The following SLC4A4 variants were observed in gnomAD, a reference collection of about 807,000 sequenced individuals.
SLC4A4 encodes the protein solute carrier family 4 member 4.
In SLC4A4, 27 loss-of-function variants were observed where a neutral mutation model predicts 111.5. The observed-to-expected ratio is 0.24, with a 90% CI of 0.18 to 0.33. SLC4A4 has a LOEUF of 0.33. Among genes scored for constraint, SLC4A4 ranks in the 10% least tolerant of loss-of-function variants. SLC4A4 has a pLI of 1.00. For synonymous variants in SLC4A4, 443 were observed against 463.4 expected (o/e 0.96, Z 0.57); for missense variants, 909 against 1,315.5 (o/e 0.69, Z 4.78).
intron 3 of SLC4A4, among the ~76,000 whole-genome samples, chr4:71,307,937 C>A (rs1338818797): frequency 6.6e-6 from 1 of 152,112 alleles, no homozygotes; most frequent in Non-Finnish European, 1.5e-5. Flanking sequence ...CTTACACTGC[C>A]CCAACTATGG....
chr4:71,512,407 A>AT (rs1430431630), intron 16 of SLC4A4, among the ~76,000 whole-genome samples: 1 of 151,998 alleles, frequency 6.6e-6, no homozygotes, highest in Non-Finnish European at 1.5e-5. Context: ...GATGCTGAGC[A>AT]TTTTTTCATA....
At chr4:71,447,484 GAA>G (rs1176149413) in intron 8 of SLC4A4, among the ~76,000 whole-genome samples, 160 bp from the exon 9 acceptor site, 1 of 152,164 alleles carries the variant, frequency 6.6e-6, no homozygotes, top group Non-Finnish European at 1.5e-5. Context: ...GCAATAGTGC[GAA>G]AGAGTATATT....
At position 71,569,911 on chromosome 4, in the gene SLC4A4, A is replaced by G. The variant is rs988016884; in HGVS notation, c.*2160A>G. The G allele has an allele frequency of 1.3e-5, 2 of 151,524 alleles. No individual in the cohort carries two copies. Among genetic ancestry groups the G allele is most frequent in the Admixed American group, 1.3e-4 (2 of 15,156 alleles). 9.4% of individuals were successfully genotyped at this position (151,524 alleles called of 1,614,324 possible). A position where few individuals can be genotyped will look rare whatever the true frequency, so the allele number is the denominator to read the frequency against. The stretch of plus-strand genomic sequence containing the variant: ...GTGAATTATATGTTATTGTGTTAAA[A>G]CCTCACTTGCCAAATTCTGGCTTCA... On this transcript the variant is annotated 3_prime_UTR_variant, in exon 26 of 26. Transcript: ENST00000264485.
intron 2 of SLC4A4, among the ~76,000 whole-genome samples, chr4:71,153,731 G>T (rs1354750411): frequency 1.3e-5 from 2 of 152,108 alleles, no homozygotes; most frequent in Admixed American, 1.3e-4. Context: ...CACCTTACAA[G>T]CAAAAGGCCA....
intron 1 of SLC4A4, among the ~76,000 whole-genome samples, chr4:71,205,471 ATCT>A (rs1194606316): frequency 7.2e-5 from 11 of 152,166 alleles, no homozygotes; most frequent in Admixed American, 5.9e-4. Context: ...ATGCAGGTAT[ATCT>A]TCTTCATCAT....
At chr4:71,265,771 C>A (rs983924184) in intron 3 of SLC4A4, among the ~76,000 whole-genome samples, 3 of 152,022 alleles carry the variant, frequency 2.0e-5, no homozygotes, top group African/African-American at 7.2e-5. Flanking sequence ...GTTATCATTA[C>A]CTCTTTGTGT....
At chr4:71,074,954 A>C (rs1014960850) in intron 1 of SLC4A4, among the ~76,000 whole-genome samples, 2 of 152,218 alleles carry the variant, frequency 1.3e-5, no homozygotes, top group Non-Finnish European at 2.9e-5. Context: ...GCCTCTCCTT[A>C]AACTTTGTTC....
intron 4 of SLC4A4, among the ~76,000 whole-genome samples, chr4:71,346,461 A>G (rs1363323859): frequency 7.3e-6 from 1 of 136,554 alleles, no homozygotes; most frequent in Non-Finnish European, 1.6e-5. Context: ...GCAAATATGT[A>G]GTTATTCATA....
At chr4:71,175,841 A>C (rs1200080356) in intron 2 of SLC4A4, among the ~76,000 whole-genome samples, 2 of 152,172 alleles carry the variant, frequency 1.3e-5, no homozygotes, top group Non-Finnish European at 2.9e-5. Context: ...CGGTTCTCCA[A>C]GCACACAGCT....
intron 7 of SLC4A4, among the ~76,000 whole-genome samples, chr4:71,426,753 A>G (rs899673283): frequency 1.3e-5 from 2 of 152,156 alleles, no homozygotes; most frequent in Middle Eastern, 3.2e-3. Context: ...ATCTAAAGTA[A>G]TGGAATATTA....
intron 3 of SLC4A4, among the ~76,000 whole-genome samples, chr4:71,323,655 C>T (rs1033376635): frequency 1.3e-5 from 2 of 152,026 alleles, no homozygotes; most frequent in Non-Finnish European, 2.9e-5. Flanking sequence ...TGGAAATTCT[C>T]TGGCATGTGA....
chr4:71,546,214 C>G, intron 18 of SLC4A4, 136 bp from the exon 19 acceptor site: 1 of 729,464 alleles, frequency 1.4e-6, no homozygotes, highest in Non-Finnish European at 2.4e-6. Flanking sequence ...AAGATAAAGT[C>G]CCCTCTTTCA....
At chr4:71,101,842 G>A (rs1174115262) in intron 2 of SLC4A4, among the ~76,000 whole-genome samples, 2 of 151,882 alleles carry the variant, frequency 1.3e-5, no homozygotes, top group Non-Finnish European at 2.9e-5. Flanking sequence ...AGAAAAACGG[G>A]AAACTCTAAA....
At chr4:71,200,922 T>C (rs539553485) in intron 1 of SLC4A4, among the ~76,000 whole-genome samples, 1 of 152,334 alleles carries the variant, frequency 6.6e-6, no homozygotes, top group East Asian at 1.9e-4. Flanking sequence ...GTTATTTTTA[T>C]TGAGACCTCT....
chr4:71,211,514 C>T (rs1718128601), intron 1 of SLC4A4, among the ~76,000 whole-genome samples: 1 of 152,136 alleles, frequency 6.6e-6, no homozygotes. Context: ...TTCTGTCCAT[C>T]CTAATTGCGA....
At chr4:71,125,402 G>A (rs931415027) in intron 2 of SLC4A4, among the ~76,000 whole-genome samples, 56 of 152,148 alleles carry the variant, frequency 3.7e-4, no homozygotes, top group African/African-American at 1.3e-3. Context: ...GCAAAACCCT[G>A]TCTCCACTAA....
At chr4:71,232,399 C>T (rs565154592) in intron 1 of SLC4A4, among the ~76,000 whole-genome samples, 2 of 152,150 alleles carry the variant, frequency 1.3e-5, no homozygotes, top group South Asian at 4.1e-4. Context: ...TTTTTATTTT[C>T]TCTTTGTTTC....
chr4:71,533,634 T>C (rs1306495539), intron 17 of SLC4A4, among the ~76,000 whole-genome samples: 2 of 152,052 alleles, frequency 1.3e-5, no homozygotes, highest in African/African-American at 4.8e-5. Context: ...CCAGTTATTA[T>C]AGATCATTAT....
chr4:71,154,146 AG>A (rs1250106184), intron 2 of SLC4A4, among the ~76,000 whole-genome samples: 1 of 152,170 alleles, frequency 6.6e-6, no homozygotes, highest in African/African-American at 2.4e-5. Flanking sequence ...GTCACTGACA[AG>A]GGTTTGCATT....
Sources: allele counts gnomAD v4.1 joint callset (sites outside exome capture counted in the v4.1 genomes callset), GRCh38; gene constraint gnomAD v4.1.1; transcripts MANE v1.5; gene names NCBI Gene and HGNC (gene_info 2026-07-23, HGNC 2026-07-21).